Variants in CLOCK observed in about 807,000 individuals in gnomAD.
CLOCK encodes the protein clock circadian regulator, also known as circadian locomoter output cycles protein kaput.
In CLOCK, 43 loss-of-function variants were observed where a neutral mutation model predicts 118.4. The observed-to-expected ratio is 0.36, with a 90% CI of 0.28 to 0.47. The LOEUF (loss-of-function observed/expected upper bound fraction) is 0.47, where lower values mean the gene tolerates loss of function less well. CLOCK is among the 20% of genes least tolerant of loss of function. The pLI is 1.00. For synonymous variants in CLOCK, 326 were observed against 339.2 expected (o/e 0.96, Z 0.43); for missense variants, 846 against 999.9 (o/e 0.85, Z 2.08).
chr4:55,475,731 A>G (rs184661631), intron 7 of CLOCK, among the ~76,000 whole-genome samples: 32 of 152,324 alleles, frequency 2.1e-4, no homozygotes, highest in East Asian at 7.7e-4. Flanking sequence ...TTAGCAATAA[A>G]GTATTTTTAA....
intron 2 of CLOCK, among the ~76,000 whole-genome samples, chr4:55,508,976 A>G (rs1044751689): frequency 6.6e-6 from 1 of 152,198 alleles, no homozygotes; most frequent in African/African-American, 2.4e-5. Flanking sequence ...GGTATAGCCT[A>G]CTATACACCT....
intron 2 of CLOCK, among the ~76,000 whole-genome samples, chr4:55,494,777 A>C (rs1727945465): frequency 6.6e-6 from 1 of 152,216 alleles, no homozygotes; most frequent in South Asian, 2.1e-4. Context: ...GGTGGCCACA[A>C]GCCAAGGAAT....
chr4:55,502,023 C>T (rs1247916649), intron 2 of CLOCK, among the ~76,000 whole-genome samples: 5 of 152,098 alleles, frequency 3.3e-5, no homozygotes, highest in Non-Finnish European at 7.4e-5. Context: ...ACATATAAGA[C>T]CTGTTTTTAC....
intron 2 of CLOCK, among the ~76,000 whole-genome samples, chr4:55,502,968 A>G (rs62305264): frequency 0.25 from 37,617 of 152,184 alleles, 4,973 homozygotes; most frequent in South Asian, 0.37. Context: ...CATATGCTCC[A>G]TAAGAGCTAA....
At chr4:55,502,408 A>C (rs1233066959) in intron 2 of CLOCK, among the ~76,000 whole-genome samples, 1 of 152,206 alleles carries the variant, frequency 6.6e-6, no homozygotes, top group African/African-American at 2.4e-5. Flanking sequence ...CCATGAATAA[A>C]CAGTCCCTTG....
intron 1 of CLOCK, among the ~76,000 whole-genome samples, chr4:55,543,009 G>A (rs1251416581): frequency 1.3e-5 from 2 of 152,030 alleles, no homozygotes; most frequent in African/African-American, 2.4e-5. Flanking sequence ...GAACTCCTGG[G>A]TTCAAGTGAT....
At chr4:55,514,394 T>G (rs943961091) in intron 1 of CLOCK, among the ~76,000 whole-genome samples, 19 of 152,108 alleles carry the variant, frequency 1.2e-4, no homozygotes, top group Non-Finnish European at 1.3e-4. Flanking sequence ...GAAGCACAAT[T>G]CACATACTAT....
chr4:55,444,962 G>A (rs1279642214), intron 18 of CLOCK, among the ~76,000 whole-genome samples, 177 bp from the exon 19 acceptor site: 1 of 152,082 alleles, frequency 6.6e-6, no homozygotes, highest in African/African-American at 2.4e-5. Context: ...TATTGGACCT[G>A]GACCTTCAAA....
At chr4:55,437,880 ATAATT>A (rs1206924165) in intron 22 of CLOCK, among the ~76,000 whole-genome samples, 2 of 152,242 alleles carry the variant, frequency 1.3e-5, no homozygotes, top group African/African-American at 2.4e-5. Context: ...ATTCAACAAA[ATAATT>A]TAAGGTAACA....
Position 55,428,994 on chromosome 4 carries a change from T to TTTA in CLOCK, c.*6420_*6421insTAA, listed in dbSNP as rs1553887899. On this transcript the variant is annotated 3_prime_UTR_variant, in exon 23 of 23. Coordinates refer to ENST00000513440, the MANE Select transcript of CLOCK (RefSeq NM_004898.4). ...ACATCTTTTTTTTTTTTTTTTTTTT[T>TTTA]AAAAAGACATTTCCTGGCCAATTTT... 7.6e-6 allele frequency: 1 copy of TTTA among 132,178 alleles called. No individual in the cohort carries two copies. Among genetic ancestry groups the TTTA allele is most frequent in the South Asian group, 2.6e-4 (1 of 3,914 alleles). The allele number at this position is 132,178 out of a possible 1,614,324, so 8.2% of individuals were successfully genotyped here. A position where few individuals can be genotyped will look rare whatever the true frequency, so the allele number is the denominator to read the frequency against.
At position 55,478,881 on chromosome 4, in the gene CLOCK, T is replaced by C. The variant is rs1033708590; in HGVS notation, c.190A>G (p.Asn64Asp). The change falls in exon 6 of 23, where the codon AAT becomes GAT. Residue 64 changes from asparagine to aspartate, a missense_variant. Coordinates refer to ENST00000513440, the MANE Select transcript of CLOCK (RefSeq NM_004898.4). ...IKELGSMLPG[N>D]ARKMDKSTVL... ...GTAGATTTGTCCATCTTTCTAGCAT[T>C]ACCAGGAAGCATGGATCCCAGTTCT... The C allele has an allele frequency of 2.5e-6, 4 of 1,612,296 alleles. No homozygotes were observed. The highest frequency in any genetic ancestry group is 3.3e-4 in the Middle Eastern group (2 of 5,986).
intron 21 of CLOCK, among the ~76,000 whole-genome samples, chr4:55,439,855 G>C (rs1197026662): frequency 6.6e-6 from 1 of 152,076 alleles, no homozygotes; most frequent in Non-Finnish European, 1.5e-5. Context: ...GAGAAGAATG[G>C]GGACTTGTAT....
At chr4:55,486,430 A>G (rs970208362) in intron 3 of CLOCK, 1 of 152,152 alleles carries the variant, frequency 6.6e-6, no homozygotes, top group African/African-American at 2.4e-5. Flanking sequence ...ATTATTCATC[A>G]TCATCCTGGT....
intron 12 of CLOCK, 95 bp from the exon 13 acceptor site, chr4:55,456,098 C>A: frequency 7.4e-7 from 1 of 1,345,484 alleles, no homozygotes; most frequent in East Asian, 2.4e-5. Context: ...CTTTATTTTT[C>A]AAAAAATGGG....
chr4:55,508,272 T>G (rs1292410528), intron 2 of CLOCK, among the ~76,000 whole-genome samples: 1 of 152,210 alleles, frequency 6.6e-6, no homozygotes, highest in African/African-American at 2.4e-5. Context: ...ACATTAAAAC[T>G]TGGTTAAAAA....
At chr4:55,461,518 G>A (rs1463937918) in intron 9 of CLOCK, among the ~76,000 whole-genome samples, 2 of 152,300 alleles carry the variant, frequency 1.3e-5, no homozygotes, top group East Asian at 3.9e-4. Context: ...CATCAGAATG[G>A]TCTGATCCAT....
Position 55,450,107 on chromosome 4 carries a change from G to A in CLOCK, c.1332C>T (p.Ala444=), listed in dbSNP as rs762362672. 7 of 1,614,078 alleles carry A rather than the reference G, an allele frequency of 4.3e-6. No individual in the cohort carries two copies. Among genetic ancestry groups the A allele is most frequent in the Non-Finnish European group, 5.9e-6 (7 of 1,179,986 alleles). Residue 444 remains alanine (A), a synonymous_variant, in exon 16 of 23, where the codon GCC becomes GCT. Transcript: ENST00000513440. ...SRSSRKSSHT[A]VSDPSSTPTK... ...GGTACTCACAGGAAGGGTCTGAGAC[G>A]GCCGTGTGAGATGATTTTCTTGAAC...
At chr4:55,457,666 C>G (rs927476101) in intron 11 of CLOCK, among the ~76,000 whole-genome samples, 9 of 152,206 alleles carry the variant, frequency 5.9e-5, no homozygotes, top group Non-Finnish European at 1.0e-4. Flanking sequence ...TCTTCCCCCT[C>G]CACACACTAA....
chr4:55,461,961 A>G (rs969160176), intron 9 of CLOCK, among the ~76,000 whole-genome samples: 2 of 152,182 alleles, frequency 1.3e-5, no homozygotes, highest in African/African-American at 4.8e-5. Context: ...CCTCAACTTC[A>G]TTATGGCCAA....
Sources: gnomAD v4.1 joint callset for allele counts (sites outside exome capture counted in the v4.1 genomes callset) on GRCh38, gnomAD v4.1.1 for gene constraint, MANE v1.5 for transcripts, NCBI Gene and HGNC (gene_info 2026-07-23, HGNC 2026-07-21) for gene names.